GHR: variants seen among roughly 807,000 people sequenced by gnomAD.
GHR encodes the protein growth hormone receptor.
GHR carries 35 observed loss-of-function variants against 67.1 expected under a neutral mutation model. The ratio of observed to expected loss-of-function variants is 0.52; its 90% CI spans 0.40 to 0.69. The LOEUF (loss-of-function observed/expected upper bound fraction) is 0.69, where lower values mean the gene tolerates loss of function less well. Among genes scored for constraint, GHR ranks in the 30% least tolerant of loss-of-function variants. GHR has a pLI of 0.00. For synonymous variants in GHR, 272 were observed against 269.1 expected (o/e 1.01, Z -0.10); for missense variants, 792 against 764.6 (o/e 1.04, Z -0.42).
At chr5:42,554,341 C>CAA (rs879659958) in intron 1 of GHR, among the ~76,000 whole-genome samples, 2 of 138,174 alleles carry the variant, frequency 1.4e-5, no homozygotes, top group Non-Finnish European at 3.2e-5. Flanking sequence ...TTCTGTCCTA[C>CAA]AAAAAAAAAA....
chr5:42,471,653 G>A (rs1745016969), intron 1 of GHR, among the ~76,000 whole-genome samples: 1 of 152,108 alleles, frequency 6.6e-6, no homozygotes, highest in Non-Finnish European at 1.5e-5. Context: ...TTTTCCTGAG[G>A]ATTAAATGAT....
chr5:42,603,768 A>T (rs1355008776), intron 2 of GHR, among the ~76,000 whole-genome samples: 3 of 152,224 alleles, frequency 2.0e-5, no homozygotes, highest in Admixed American at 1.3e-4. Flanking sequence ...ACAAGTAAGC[A>T]ATCAGTTCTG....
chr5:42,582,616 C>T lies in GHR; in HGVS notation c.70+16672C>T, dbSNP rs76715841. Among the ~76,000 whole-genome samples, 184 of 152,322 alleles carry T rather than the reference C, an allele frequency of 1.2e-3. 3 individuals carry two copies. The East Asian group carries it at 0.034, about 28-fold the overall frequency. On this transcript the variant is annotated intron_variant, in intron 2 of 9. Transcript: ENST00000230882. ...TAGCAGGACTGAAAGAGCTGTAACA[C>T]GAACAGGGCTGAGACATGCCTTCCC...
chr5:42,616,089 G>A (rs1027868458), intron 2 of GHR, among the ~76,000 whole-genome samples: 4 of 151,864 alleles, frequency 2.6e-5, no homozygotes, highest in African/African-American at 9.7e-5. Context: ...GGATCTTGGT[G>A]GCCATGATAA....
At chr5:42,528,554 T>C (rs1254418397) in intron 1 of GHR, among the ~76,000 whole-genome samples, 1 of 152,212 alleles carries the variant, frequency 6.6e-6, no homozygotes, top group Non-Finnish European at 1.5e-5. Context: ...TGAGATGGAA[T>C]CTACTCCTGG....
intron 2 of GHR, among the ~76,000 whole-genome samples, chr5:42,584,773 T>G (rs1301582913): frequency 6.9e-6 from 1 of 145,108 alleles, no homozygotes; most frequent in African/African-American, 2.7e-5. Context: ...TTCAGCTTCT[T>G]AACTAGAATG....
intron 5 of GHR, among the ~76,000 whole-genome samples, chr5:42,696,079 T>C (rs1757659042): frequency 6.6e-6 from 1 of 152,216 alleles, no homozygotes; most frequent in Admixed American, 6.5e-5. Flanking sequence ...GGTATAGCTG[T>C]TGAGTTGAAA....
chr5:42,433,280 C>G (rs1199185016), intron 1 of GHR, among the ~76,000 whole-genome samples: 1 of 151,544 alleles, frequency 6.6e-6, no homozygotes, highest in African/African-American at 2.4e-5. Flanking sequence ...TTTCTCGGTG[C>G]ATATAGGGAG....
intron 1 of GHR, among the ~76,000 whole-genome samples, chr5:42,493,202 G>C (rs1746188061): frequency 6.6e-6 from 1 of 152,196 alleles, no homozygotes; most frequent in South Asian, 2.1e-4. Context: ...GTCAGTGGAG[G>C]TGGGGAGACA....
Position 42,608,857 on chromosome 5 carries a change from T to G in GHR, c.71-20181T>G, listed in dbSNP as rs1048002905. 4.6e-5 allele frequency among the ~76,000 whole-genome samples: 7 copies of G among 152,280 alleles called. 1 individual carries two copies. Among genetic ancestry groups the G allele is most frequent in the African/African-American group, 1.7e-4 (7 of 41,574 alleles). ...CAAGTATACAAAGCAAAGGGATTTT[T>G]TGTGTGTGTTTCCATCAAAAGCTAC... On this transcript the variant is annotated intron_variant, in intron 2 of 9. Coordinates refer to ENST00000230882, the MANE Select transcript of GHR (RefSeq NM_000163.5).
At chr5:42,621,333 T>C (rs1022311923) in intron 2 of GHR, among the ~76,000 whole-genome samples, 2 of 152,168 alleles carry the variant, frequency 1.3e-5, no homozygotes, top group African/African-American at 2.4e-5. Flanking sequence ...ACGTCACTAC[T>C]GCACCTTTAA....
chr5:42,522,417 C>G (rs1747516961), intron 1 of GHR, among the ~76,000 whole-genome samples: 1 of 152,118 alleles, frequency 6.6e-6, no homozygotes, highest in Non-Finnish European at 1.5e-5. Flanking sequence ...CATATAAATA[C>G]AGATTAATTC....
intron 2 of GHR, among the ~76,000 whole-genome samples, chr5:42,587,845 T>C (rs1241064800): frequency 6.6e-6 from 1 of 152,086 alleles, no homozygotes; most frequent in Non-Finnish European, 1.5e-5. Flanking sequence ...TCACCTTGTC[T>C]TCCCATGCTA....
At chr5:42,659,976 G>A (rs964629730) in intron 3 of GHR, among the ~76,000 whole-genome samples, 2 of 152,164 alleles carry the variant, frequency 1.3e-5, no homozygotes, top group African/African-American at 4.8e-5. Context: ...TGGCTCGGAG[G>A]GTCCTACGCC....
chr5:42,486,384 T>C (rs911980184), intron 1 of GHR, among the ~76,000 whole-genome samples: 3 of 152,232 alleles, frequency 2.0e-5, no homozygotes, highest in African/African-American at 7.2e-5. Flanking sequence ...TATTCTCTAC[T>C]GCTTTACTAA....
At chr5:42,560,491 C>G (rs772213186) in intron 1 of GHR, among the ~76,000 whole-genome samples, 6 of 152,292 alleles carry the variant, frequency 3.9e-5, no homozygotes, top group Non-Finnish European at 8.8e-5. Context: ...CACGCCTGGC[C>G]AATACACTTT....
intron 3 of GHR, among the ~76,000 whole-genome samples, chr5:42,635,990 C>G (rs1466953108): frequency 1.3e-5 from 2 of 151,936 alleles, no homozygotes; most frequent in East Asian, 3.9e-4. Flanking sequence ...GTGGGCGGAT[C>G]ACGAGGTCAG....
intron 1 of GHR, among the ~76,000 whole-genome samples, chr5:42,456,626 C>T (rs1744274029): frequency 6.6e-6 from 1 of 152,180 alleles, no homozygotes; most frequent in Non-Finnish European, 1.5e-5. Context: ...AACGAGTCTC[C>T]GTTTCATTTG....
At chr5:42,549,445 G>A (rs1459785602) in intron 1 of GHR, 1 of 152,336 alleles carries the variant, frequency 6.6e-6, no homozygotes, top group Non-Finnish European at 1.5e-5. Flanking sequence ...GCTGTAATAA[G>A]GGTTTATTAA....
Sources: allele counts gnomAD v4.1 joint callset (sites outside exome capture counted in the v4.1 genomes callset), GRCh38; gene constraint gnomAD v4.1.1; transcripts MANE v1.5; gene names NCBI Gene and HGNC (gene_info 2026-07-23, HGNC 2026-07-21).